Variants in RGS6 observed in about 807,000 individuals in gnomAD.
RGS6 encodes regulator of G protein signaling 6.
Under a neutral mutation model 78.5 loss-of-function variants are expected in RGS6, and 30 were observed. The observed-to-expected ratio is 0.38, with a 90% CI of 0.29 to 0.52. The LOEUF (loss-of-function observed/expected upper bound fraction) is 0.52, where lower values mean the gene tolerates loss of function less well. Among genes scored for constraint, RGS6 ranks in the 20% least tolerant of loss-of-function variants. The probability of loss-of-function intolerance (pLI) is 0.85; values close to 1 mark genes in which losing one functional copy is unlikely to be tolerated. For missense variants in RGS6, 495 were observed against 609.7 expected (o/e 0.81, Z 1.98); for synonymous variants, 206 against 206.0 (o/e 1.00, Z 0.00).
At position 72,540,489 on chromosome 14, in the gene RGS6, C is replaced by T. The variant is rs546406680; in HGVS notation, c.1422+395C>T. 1.2e-4 allele frequency: 184 copies of T among 1,525,160 alleles called. 1 individual carries two copies. The highest frequency in any genetic ancestry group is 5.0e-4 in the Admixed American group (26 of 51,882). The allele number at this position is 1,525,160 out of a possible 1,614,324, so 94.5% of individuals were successfully genotyped here. A position where few individuals can be genotyped will look rare whatever the true frequency, so the allele number is the denominator to read the frequency against. ...AAATTGGCTCAGAACCATAGCTCAT[C>T]GAAAAAAAAAAAAAAAGCCAAAATT... On this transcript the variant is annotated intron_variant, in intron 17 of 17. Coordinates refer to ENST00000553525, the MANE Select transcript of RGS6 (RefSeq NM_001204424.2).
chr14:72,111,111 A>G (rs1339800187), intron 2 of RGS6, among the ~76,000 whole-genome samples: 1 of 152,136 alleles, frequency 6.6e-6, no homozygotes, highest in Non-Finnish European at 1.5e-5. Flanking sequence ...CAGCTCTTGG[A>G]GAAGAGGGCT....
At chr14:71,892,961 G>C in the RGS6 span, among the ~76,000 whole-genome samples, 1 of 152,230 alleles carries the variant, frequency 6.6e-6, no homozygotes, top group Non-Finnish European at 1.5e-5. Flanking sequence ...CAGCTTCATG[G>C]GACGGCAGCG....
chr14:72,246,099 A>T (rs1476604447), intron 2 of RGS6, among the ~76,000 whole-genome samples: 1 of 152,194 alleles, frequency 6.6e-6, no homozygotes, highest in Non-Finnish European at 1.5e-5. Flanking sequence ...ATCATCAGTG[A>T]TGTAATATTC....
intron 2 of RGS6, among the ~76,000 whole-genome samples, chr14:72,187,492 G>C (rs2097263022): frequency 6.6e-6 from 1 of 152,176 alleles, no homozygotes; most frequent in Admixed American, 6.5e-5. Flanking sequence ...GTGGACTTGA[G>C]TGTCTACTTA....
chr14:71,953,485 T>G (rs1004766163), intron 1 of RGS6, among the ~76,000 whole-genome samples: 2 of 152,090 alleles, frequency 1.3e-5, no homozygotes, highest in Non-Finnish European at 2.9e-5. Flanking sequence ...TCTTTCAACT[T>G]TTTTTTCAAG....
intron 2 of RGS6, among the ~76,000 whole-genome samples, chr14:72,020,306 A>G (rs761527946): frequency 5.6e-4 from 85 of 152,374 alleles, no homozygotes; most frequent in Admixed American, 1.5e-3. Flanking sequence ...TCAGTTTCTT[A>G]TAAGTCAAAA....
chr14:72,176,817 A>G (rs994628871), intron 2 of RGS6, among the ~76,000 whole-genome samples: 9 of 152,198 alleles, frequency 5.9e-5, no homozygotes, highest in Admixed American at 2.6e-4. Flanking sequence ...GCACATGTGC[A>G]CACACACGCT....
chr14:72,621,788 A>T, the RGS6 span, among the ~76,000 whole-genome samples: 1 of 152,182 alleles, frequency 6.6e-6, no homozygotes, highest in Non-Finnish European at 1.5e-5. Context: ...AGCATCATTG[A>T]TTAGATGGGG....
intron 2 of RGS6, among the ~76,000 whole-genome samples, chr14:71,998,361 T>C (rs1272808430): frequency 6.6e-6 from 1 of 152,150 alleles, no homozygotes; most frequent in Non-Finnish European, 1.5e-5. Flanking sequence ...TTAGTGACTT[T>C]GGGGGCCCAA....
the RGS6 span, among the ~76,000 whole-genome samples, chr14:72,616,657 T>C: frequency 1.3e-5 from 2 of 152,246 alleles, no homozygotes; most frequent in African/African-American, 4.8e-5. Flanking sequence ...AGGTGGGCAA[T>C]TGAGGTTCAG....
chr14:72,609,143 A>G, the RGS6 span, among the ~76,000 whole-genome samples: 150 of 152,362 alleles, frequency 9.8e-4, 1 homozygote, highest in Admixed American at 1.4e-3. Context: ...TACTAACCAC[A>G]GCAAGGAAGG....
At chr14:72,483,893 A>AT (rs2096434209) in intron 12 of RGS6, among the ~76,000 whole-genome samples, 1 of 151,764 alleles carries the variant, frequency 6.6e-6, no homozygotes, top group South Asian at 2.1e-4. Flanking sequence ...TCTCTATTGA[A>AT]TGTGTTTTCT....
At chr14:72,465,911 TCCC>T in intron 7 of RGS6, 89 bp downstream of exon 7, 1 of 1,101,132 alleles carries the variant, frequency 9.1e-7, no homozygotes, top group Non-Finnish European at 1.3e-6. Flanking sequence ...TTTTCTTTTG[TCCC>T]CCTTTTGTCC....
At chr14:72,291,961 G>T (rs28672120) in intron 2 of RGS6, among the ~76,000 whole-genome samples, 1 of 152,170 alleles carries the variant, frequency 6.6e-6, no homozygotes, top group South Asian at 2.1e-4. Flanking sequence ...GGACACAAAC[G>T]TCCAGATAGA....
intron 2 of RGS6, among the ~76,000 whole-genome samples, chr14:72,195,593 T>G (rs2039902075): frequency 6.6e-6 from 1 of 152,056 alleles, no homozygotes; most frequent in South Asian, 2.1e-4. Context: ...AATGAGGCGC[T>G]TGAACGAAGA....
At chr14:72,576,486 C>T in the RGS6 span, among the ~76,000 whole-genome samples, 1 of 152,220 alleles carries the variant, frequency 6.6e-6, no homozygotes, top group Non-Finnish European at 1.5e-5. Context: ...GATTGCAACA[C>T]ATCTGTAATC....
At chr14:72,336,164 G>A (rs146835763) in intron 2 of RGS6, among the ~76,000 whole-genome samples, 8 of 152,300 alleles carry the variant, frequency 5.3e-5, no homozygotes, top group African/African-American at 1.4e-4. Flanking sequence ...CTCAAATTGT[G>A]TGTTGTTCTA....
At chr14:72,618,089 T>C in the RGS6 span, among the ~76,000 whole-genome samples, 1 of 152,126 alleles carries the variant, frequency 6.6e-6, no homozygotes, top group East Asian at 1.9e-4. Context: ...TCCTGCATGT[T>C]TGGGGAGCTT....
chr14:72,204,072 C>A (rs1022391901), intron 2 of RGS6, among the ~76,000 whole-genome samples: 2 of 152,166 alleles, frequency 1.3e-5, no homozygotes, highest in African/African-American at 4.8e-5. Flanking sequence ...GATCTGCCCA[C>A]CTCGGCCTCC....
Sources: gnomAD v4.1 joint callset for allele counts (sites outside exome capture counted in the v4.1 genomes callset) on GRCh38, gnomAD v4.1.1 for gene constraint, MANE v1.5 for transcripts, NCBI Gene and HGNC (gene_info 2026-07-23, HGNC 2026-07-21) for gene names.